The following NTM variants were observed in gnomAD, a reference collection of about 807,000 sequenced individuals.
NTM encodes neurotrimin.
Under a neutral mutation model 42.1 loss-of-function variants are expected in NTM, and 13 were observed. That is an observed-to-expected ratio of 0.31 (90% CI 0.20 to 0.49). The LOEUF (loss-of-function observed/expected upper bound fraction) is 0.49. NTM is among the 20% of genes least tolerant of loss of function. The pLI, the probability that NTM is intolerant of heterozygous loss-of-function variation, is 0.99. For missense variants in NTM, 373 were observed against 452.8 expected, an observed-to-expected ratio of 0.82 and a Z score of 1.60; for synonymous variants, 187 against 179.2, an observed-to-expected ratio of 1.04 and a Z score of -0.35.
chr11:131,943,470 CCA>C (rs2060020517), intron 2 of NTM, among the ~76,000 whole-genome samples: 1 of 152,224 alleles, frequency 6.6e-6, no homozygotes, highest in Non-Finnish European at 1.5e-5. Flanking sequence ...TTACGAGTCA[CCA>C]CTTTTCCCTG....
intron 1 of NTM, among the ~76,000 whole-genome samples, chr11:131,741,024 G>T (rs1223403900): frequency 7.2e-5 from 11 of 152,230 alleles, no homozygotes; most frequent in African/African-American, 2.6e-4. Context: ...AATTAACCGG[G>T]CATGGTGGCA....
chr11:132,196,160 A>G (rs2080170467), intron 3 of NTM, among the ~76,000 whole-genome samples: 1 of 152,228 alleles, frequency 6.6e-6, no homozygotes, highest in Non-Finnish European at 1.5e-5. Context: ...TTCTCAAAAC[A>G]AGACATACAT....
At chr11:132,325,078 C>A (rs922404352) in intron 7 of NTM, among the ~76,000 whole-genome samples, 1 of 151,926 alleles carries the variant, frequency 6.6e-6, no homozygotes, top group African/African-American at 2.4e-5. Context: ...TAGAAGAAAA[C>A]CTAGGCATTA....
At chr11:131,863,747 C>G (rs111608533) in intron 1 of NTM, among the ~76,000 whole-genome samples, 236 of 152,324 alleles carry the variant, frequency 1.5e-3, no homozygotes, top group South Asian at 3.3e-3. Flanking sequence ...GCCTTCTCTT[C>G]CCTAAAAATC....
In NTM at chr11:132,012,697, A is replaced by AT. The variant is rs992351924; in HGVS notation, c.167+101055dup. Among the ~76,000 whole-genome samples the AT allele has an allele frequency of 5.6e-4, 86 of 152,258 alleles. 1 individual carries two copies. The highest frequency in any genetic ancestry group is 2.0e-3 in the African/African-American group (85 of 41,556). Reference sequence around the variant, plus strand: ...GATTAATTTAATGGCTCATTAATTCATTTTTTAAAAAAGAGAATCTAAAAA... The same window carrying AT: ...GATTAATTTAATGGCTCATTAATTCATTTTTTTAAAAAAGAGAATCTAAAAA... On this transcript the variant is annotated intron_variant, in intron 2 of 8. Transcript: ENST00000683400.
intron 1 of NTM, among the ~76,000 whole-genome samples, chr11:131,776,094 C>G (rs752794124): frequency 1.3e-5 from 2 of 152,130 alleles, no homozygotes; most frequent in Admixed American, 1.3e-4. Flanking sequence ...ATGCTGAGAA[C>G]CTTGAGGCTA....
intron 3 of NTM, among the ~76,000 whole-genome samples, chr11:132,168,427 C>T (rs896043050): frequency 2.0e-5 from 3 of 152,014 alleles, no homozygotes; most frequent in Non-Finnish European, 4.4e-5. Flanking sequence ...CTGTGGTAGC[C>T]CTTTAATAAA....
At chr11:131,475,411 T>C (rs1418941571) in intron 1 of NTM, among the ~76,000 whole-genome samples, 4 of 152,102 alleles carry the variant, frequency 2.6e-5, no homozygotes, top group Admixed American at 2.6e-4. Context: ...CTCCCACACA[T>C]GAGAAGGGGG....
At chr11:131,851,232 G>A (rs1409862603) in intron 1 of NTM, among the ~76,000 whole-genome samples, 1 of 151,986 alleles carries the variant, frequency 6.6e-6, no homozygotes, top group Admixed American at 6.6e-5. Flanking sequence ...CAAAATCTTT[G>A]GTATCATAGA....
chr11:131,449,292 G>T (rs1950299905), intron 1 of NTM, among the ~76,000 whole-genome samples: 1 of 152,244 alleles, frequency 6.6e-6, no homozygotes, highest in African/African-American at 2.4e-5. Context: ...ACTGGAGGGT[G>T]ACCAGGTGTG....
chr11:132,046,645 G>A (rs528391098), intron 2 of NTM, among the ~76,000 whole-genome samples: 34 of 152,278 alleles, frequency 2.2e-4, no homozygotes, highest in Middle Eastern at 3.4e-3. Context: ...GGAACATGCT[G>A]AGTACAGATA....
At chr11:131,696,427 T>G (rs1044064199) in intron 1 of NTM, among the ~76,000 whole-genome samples, 2 of 152,158 alleles carry the variant, frequency 1.3e-5, no homozygotes, top group Non-Finnish European at 2.9e-5. Context: ...GGAAGACATA[T>G]CAAGTTGTAG....
chr11:131,618,508 G>A (rs1348235323), intron 1 of NTM, among the ~76,000 whole-genome samples: 2 of 152,144 alleles, frequency 1.3e-5, no homozygotes, highest in African/African-American at 2.4e-5. Flanking sequence ...AATTAGTTCA[G>A]TATTGCTTGG....
At chr11:131,657,085 A>C (rs1225687841) in intron 1 of NTM, among the ~76,000 whole-genome samples, 2 of 150,478 alleles carry the variant, frequency 1.3e-5, no homozygotes, top group Non-Finnish European at 2.9e-5. Context: ...CTTCAGATGA[A>C]ACCCTCTTTG....
At chr11:131,752,786 C>A (rs1258877566) in intron 1 of NTM, among the ~76,000 whole-genome samples, 3 of 109,508 alleles carry the variant, frequency 2.7e-5, no homozygotes, top group Admixed American at 1.0e-4. Flanking sequence ...ACCACAAAAA[C>A]CCTAGAAGAA....
At chr11:131,735,467 T>C (rs1432812348) in intron 1 of NTM, among the ~76,000 whole-genome samples, 1 of 152,186 alleles carries the variant, frequency 6.6e-6, no homozygotes, top group Non-Finnish European at 1.5e-5. Context: ...TTAAAGTCAT[T>C]GTGATGAAAC....
At chr11:131,737,733 G>A (rs987054460) in intron 1 of NTM, among the ~76,000 whole-genome samples, 3 of 152,102 alleles carry the variant, frequency 2.0e-5, no homozygotes, top group South Asian at 2.1e-4. Context: ...CTTGGAATCC[G>A]ACTCTTGATT....
rs185050160 is a variant in NTM at position 131,901,507 on chromosome 11, C to T, written c.83-10057C>T. ...AACTTGGGAGAGTTCTCTATGAATT[C>T]CCTTTGACAGATCATTGGTAAAAAT... On this transcript the variant is annotated intron_variant, in intron 1 of 8. Transcript: ENST00000683400. 1.2e-4 allele frequency among the ~76,000 whole-genome samples: 18 copies of T among 152,122 alleles called. No individual in the cohort carries two copies. The East Asian group carries it at 3.5e-3, about 29-fold the overall frequency.
At chr11:131,717,632 T>C (rs1217964572) in intron 1 of NTM, among the ~76,000 whole-genome samples, 1 of 152,240 alleles carries the variant, frequency 6.6e-6, no homozygotes, top group Admixed American at 6.5e-5. Flanking sequence ...TTTCATCAGA[T>C]ATTCTATATG....
Sources: allele counts gnomAD v4.1 joint callset (sites outside exome capture counted in the v4.1 genomes callset), GRCh38; gene constraint gnomAD v4.1.1; transcripts MANE v1.5; gene names NCBI Gene and HGNC (gene_info 2026-07-23, HGNC 2026-07-21).